ERC1: variants seen among roughly 807,000 people sequenced by gnomAD.
The protein encoded by ERC1 is ELKS/RAB6-interacting/CAST family member 1.
A neutral mutation model predicts 132.0 loss-of-function variants in ERC1; 56 were observed. The ratio of observed to expected loss-of-function variants is 0.42; its 90% confidence interval spans 0.34 to 0.53. The LOEUF is 0.53. ERC1 is among the 20% of genes least tolerant of loss of function. ERC1 has a pLI of 0.03. For synonymous variants in ERC1, 478 were observed against 476.1 expected, an observed-to-expected ratio of 1.00 and a Z score of -0.05; for missense variants, 1,202 against 1,349.9, an observed-to-expected ratio of 0.89 and a Z score of 1.72.
rs200968876 is a variant in ERC1, at chr12:1,301,109, T to A, written c.2780+11097T>A. 2.0e-5 allele frequency among the ~76,000 whole-genome samples: 3 copies of A among 151,822 alleles called. No individual in the cohort carries two copies. In the East Asian group the frequency reaches 5.8e-4, roughly 29 times the overall value. On this transcript the variant is annotated intron_variant, in intron 15 of 18. Transcript: ENST00000360905. ...CAGGAGTTAAAAACCAAAAGCCTTA[T>A]GTTCTCACTTATAAGTGGGAGCTAA...
chr12:1,028,094 C>T lies in ERC1; in HGVS notation c.191C>T (p.Ala64Val). 1 of 1,614,164 alleles carries T rather than the reference C, an allele frequency of 6.2e-7. No homozygotes were observed. The highest frequency in any genetic ancestry group is 8.5e-7 in the Non-Finnish European group (1 of 1,180,036). ...ATGGAAAATATACAATCTTTAAATG[C>T]TGCCTATGCCACCTCTGGCCCTATG... ...LSMENIQSLNAAYATSGPMYL... is the reference protein window; with the variant it reads ...LSMENIQSLNVAYATSGPMYL... Residue 64 changes from alanine (A) to valine (V), a missense_variant, in exon 2 of 19, where the codon GCT becomes GTT. Physicochemically the swap from Ala to Val is moderately conservative, Grantham distance 64. Coordinates refer to ENST00000360905, the MANE Select transcript of ERC1 (RefSeq NM_178040.4).
chr12:1,490,666 A>G lies in ERC1; in HGVS notation c.*436A>G. 4.2e-6 allele frequency: 1 copy of G among 240,312 alleles called. No individual in the cohort carries two copies. Among genetic ancestry groups the G allele is most frequent in the Middle Eastern group, 1.3e-3 (1 of 800 alleles). 14.9% of individuals were successfully genotyped at this position (240,312 alleles called of 1,614,324 possible). On this transcript the variant is annotated 3_prime_UTR_variant, in exon 19 of 19. Transcript: ENST00000360905. Reference sequence around the variant, plus strand: ...GGACCAGAGAGCTGAGTGTTCTAATATCACAATAGGTGCTTTCTCCTAAAA... The same window carrying G: ...GGACCAGAGAGCTGAGTGTTCTAATGTCACAATAGGTGCTTTCTCCTAAAA...
intron 14 of ERC1, among the ~76,000 whole-genome samples, chr12:1,281,806 C>T (rs1310947089): frequency 6.6e-6 from 1 of 152,086 alleles, no homozygotes; most frequent in Non-Finnish European, 1.5e-5. Context: ...AGTTTTGATG[C>T]TGTGCTGTCA....
chr12:1,397,829 A>C (rs2090665612), intron 16 of ERC1, among the ~76,000 whole-genome samples: 2 of 152,228 alleles, frequency 1.3e-5, no homozygotes, highest in South Asian at 4.1e-4. Flanking sequence ...AAAAAAGGAA[A>C]AAAGCAGTCC....
chr12:1,226,996 G>GAT lies in ERC1; in HGVS notation c.2352-9771_2352-9770dup, dbSNP rs769002696. 5.3e-5 allele frequency among the ~76,000 whole-genome samples: 8 copies of GAT among 152,266 alleles called. No homozygotes were observed. In the South Asian group the frequency reaches 8.3e-4, roughly 16 times the overall value. On this transcript the variant is annotated intron_variant, in intron 12 of 18. Transcript: ENST00000360905. ...CTGGCCTCCTTTTTGTTTTATGGCT[G>GAT]ATAAATATTCCATTTGATTATATAT...
At chr12:1,158,515 C>T (rs573269376) in intron 8 of ERC1, among the ~76,000 whole-genome samples, 2 of 151,748 alleles carry the variant, frequency 1.3e-5, no homozygotes, top group East Asian at 1.9e-4. Flanking sequence ...ACCGCAACCT[C>T]GCCTCCTGGG....
intron 16 of ERC1, among the ~76,000 whole-genome samples, chr12:1,407,292 TGAGA>T (rs59148091): frequency 7.3e-5 from 11 of 151,576 alleles, no homozygotes; most frequent in African/African-American, 2.4e-4. Context: ...TATATATATA[TGAGA>T]GAGAGAGAGC....
At chr12:1,422,812 A>G (rs1350102845) in intron 17 of ERC1, among the ~76,000 whole-genome samples, 1 of 152,208 alleles carries the variant, frequency 6.6e-6, no homozygotes, top group Non-Finnish European at 1.5e-5. Flanking sequence ...ACATTGCCAC[A>G]AACACTGTGT....
chr12:1,280,354 A>C (rs1016106798), intron 14 of ERC1, among the ~76,000 whole-genome samples: 4 of 152,126 alleles, frequency 2.6e-5, no homozygotes, highest in Admixed American at 2.0e-4. Flanking sequence ...TATTCAACAG[A>C]TAGTTTTTGT....
chr12:1,277,986 C>G (rs190228530), intron 14 of ERC1, among the ~76,000 whole-genome samples: 7 of 152,218 alleles, frequency 4.6e-5, no homozygotes, highest in Non-Finnish European at 1.0e-4. Flanking sequence ...GACTCTCGCT[C>G]TGCTGTCAAG....
chr12:1,082,405 C>T (rs1053624619), intron 2 of ERC1, among the ~76,000 whole-genome samples: 4 of 151,228 alleles, frequency 2.6e-5, no homozygotes, highest in Admixed American at 6.6e-5. Context: ...CCGCCTGCCT[C>T]GGCCTCCCAA....
rs180890931 is a variant in ERC1 at position 1,296,047 on chromosome 12, C to T, written c.2780+6035C>T. 1.4e-4 allele frequency among the ~76,000 whole-genome samples: 21 copies of T among 144,976 alleles called. No individual in the cohort carries two copies. The East Asian group carries it at 2.8e-3, about 19-fold the overall frequency. ...AAAAACAACTAAATTCACCCTTATACATTAAAGAATTAAAGAAAAATGTCA... is the reference window on the plus strand; with the variant it reads ...AAAAACAACTAAATTCACCCTTATATATTAAAGAATTAAAGAAAAATGTCA... On this transcript the variant is annotated intron_variant, in intron 15 of 18. Transcript: ENST00000360905.
chr12:1,354,900 C>G (rs2154368158), intron 15 of ERC1, among the ~76,000 whole-genome samples: 1 of 152,230 alleles, frequency 6.6e-6, no homozygotes, highest in South Asian at 2.1e-4. Flanking sequence ...CCTCAGCCTC[C>G]CAAAATCCTG....
Position 1,164,497 on chromosome 12 carries a change from G to A in ERC1, c.1738-16043G>A, listed in dbSNP as rs532911008. Among the ~76,000 whole-genome samples, 687 of 140,956 alleles carry A rather than the reference G, an allele frequency of 4.9e-3. 7 individuals are homozygous for A. Among genetic ancestry groups the A allele is most frequent in the African/African-American group, 0.017 (645 of 37,474 alleles). The allele number at this position is 140,956 out of a possible 152,430, so 92.5% of individuals were successfully genotyped here. ...AGCTTGACTACAGGCGCCCGCCACC[G>A]CACCCAGATAATTTTTTGTATTTTT... On this transcript the variant is annotated intron_variant, in intron 8 of 18. Transcript: ENST00000360905.
At chr12:1,205,238 GTTAC>G (rs1192535367) in intron 12 of ERC1, among the ~76,000 whole-genome samples, 1 of 151,956 alleles carries the variant, frequency 6.6e-6, no homozygotes, top group African/African-American at 2.4e-5. Flanking sequence ...CATTTAAAAA[GTTAC>G]TTATTTTGCA....
chr12:1,351,265 C>T (rs554923406), intron 15 of ERC1, among the ~76,000 whole-genome samples: 2 of 152,266 alleles, frequency 1.3e-5, no homozygotes, highest in African/African-American at 2.4e-5. Flanking sequence ...ATTTTCTCTT[C>T]GATTTATTTC....
intron 3 of ERC1, among the ~76,000 whole-genome samples, chr12:1,095,057 C>T (rs1943837446): frequency 6.6e-6 from 1 of 152,134 alleles, no homozygotes; most frequent in African/African-American, 2.4e-5. Flanking sequence ...TTTTTAGTCA[C>T]ACATACTTCT....
chr12:1,017,894 TA>T (rs1045287364), intron 1 of ERC1, among the ~76,000 whole-genome samples: 1 of 152,226 alleles, frequency 6.6e-6, no homozygotes, highest in African/African-American at 2.4e-5. Context: ...ACATAGAGTT[TA>T]ATAGAGATTT....
chr12:1,280,463 A>G (rs1414724750), intron 14 of ERC1, among the ~76,000 whole-genome samples: 1 of 152,190 alleles, frequency 6.6e-6, no homozygotes, highest in East Asian at 1.9e-4. Flanking sequence ...AAATTAATGT[A>G]AAGTGCTTCG....
Sources: gnomAD v4.1 joint callset for allele counts (sites outside exome capture counted in the v4.1 genomes callset) on GRCh38, gnomAD v4.1.1 for gene constraint, MANE v1.5 for transcripts, NCBI Gene and HGNC (gene_info 2026-07-23, HGNC 2026-07-21) for gene names.